The following FAM13A variants were observed in gnomAD, a reference collection of about 807,000 sequenced individuals.
The protein encoded by FAM13A is protein FAM13A.
A neutral mutation model predicts 129.6 loss-of-function variants in FAM13A; 76 were observed. The observed-to-expected ratio is 0.59, with a 90% CI of 0.49 to 0.71. FAM13A has a LOEUF of 0.71. Ranked by LOEUF, FAM13A falls within the 30% of genes least tolerant of loss-of-function variation. FAM13A has a pLI of 0.00. For synonymous variants in FAM13A, 443 were observed against 449.9 expected (o/e 0.98, Z 0.20); for missense variants, 1,108 against 1,249.3 (o/e 0.89, Z 1.70).
intron 6 of FAM13A, among the ~76,000 whole-genome samples, chr4:88,886,287 G>A (rs1358956724): frequency 6.6e-6 from 1 of 152,184 alleles, no homozygotes; most frequent in Non-Finnish European, 1.5e-5. Flanking sequence ...CAATCAACGA[G>A]TGGATAAAGA....
At chr4:88,850,877 T>TA in intron 7 of FAM13A, 143 bp downstream of exon 7, 1 of 660,456 alleles carries the variant, frequency 1.5e-6, no homozygotes. Context: ...TCTCAAAACA[T>TA]AGAGTGAATT....
At chr4:88,774,723 C>T (rs187284180) in intron 11 of FAM13A, among the ~76,000 whole-genome samples, 60 of 151,742 alleles carry the variant, frequency 4.0e-4, no homozygotes, top group Admixed American at 1.9e-3. Context: ...GTAATGGCAA[C>T]GCAAAAAGGG....
chr4:88,863,055 A>G (rs1452058012), intron 6 of FAM13A, among the ~76,000 whole-genome samples: 2 of 151,256 alleles, frequency 1.3e-5, no homozygotes, highest in Non-Finnish European at 2.9e-5. Context: ...AAGATCTTCT[A>G]AAACCCTTGG....
intron 6 of FAM13A, among the ~76,000 whole-genome samples, chr4:88,878,065 G>A (rs922717487): frequency 4.6e-5 from 7 of 151,934 alleles, no homozygotes; most frequent in Non-Finnish European, 1.0e-4. Flanking sequence ...CGAGGCGGGC[G>A]GATCACGAGG....
At position 88,728,345 on chromosome 4, in the gene FAM13A, A is replaced by G; in HGVS notation, c.*188T>C. On this transcript the variant is annotated 3_prime_UTR_variant, in exon 24 of 24. Coordinates refer to ENST00000264344, the MANE Select transcript of FAM13A (RefSeq NM_014883.4). ...AATTACAAAATGCCTAAGTCAGGTC[A>G]CATTGTCTTCTTCCAGCCAGTTTCT... The G allele has an allele frequency of 1.5e-6, 1 of 666,910 alleles. No individual in the cohort carries two copies. The highest frequency in any genetic ancestry group is 2.9e-5 in the Admixed American group (1 of 34,234). The allele number at this position is 666,910 out of a possible 1,614,324, so 41.3% of individuals were successfully genotyped here. A position where few individuals can be genotyped will look rare whatever the true frequency, so the allele number is the denominator to read the frequency against.
intron 6 of FAM13A, among the ~76,000 whole-genome samples, chr4:88,880,988 C>T (rs1743468097): frequency 6.6e-6 from 1 of 152,128 alleles, no homozygotes; most frequent in African/African-American, 2.4e-5. Flanking sequence ...AAGTCCCGCC[C>T]AAGAAGAGTC....
intron 6 of FAM13A, among the ~76,000 whole-genome samples, chr4:88,888,174 AG>A (rs1359777827): frequency 6.6e-6 from 1 of 152,124 alleles, no homozygotes; most frequent in African/African-American, 2.4e-5. Flanking sequence ...GCCAGTTTCC[AG>A]TTCTTCTTTT....
intron 5 of FAM13A, among the ~76,000 whole-genome samples, chr4:88,921,107 AC>A (rs1418382175): frequency 4.6e-5 from 7 of 152,226 alleles, no homozygotes; most frequent in Non-Finnish European, 7.3e-5. Flanking sequence ...GGAGAATGGA[AC>A]CAAGTTGGAA....
At chr4:88,814,702 T>C (rs1730352125) in intron 7 of FAM13A, among the ~76,000 whole-genome samples, 5 of 152,240 alleles carry the variant, frequency 3.3e-5, no homozygotes, top group Admixed American at 3.3e-4. Flanking sequence ...TTTTGCTGAC[T>C]GCAAAATACT....
chr4:88,972,971 A>G (rs1389820727), intron 4 of FAM13A, among the ~76,000 whole-genome samples: 1 of 152,120 alleles, frequency 6.6e-6, no homozygotes, highest in Non-Finnish European at 1.5e-5. Flanking sequence ...GTCTCTCAAC[A>G]CTTTAAATAT....
chr4:88,985,450 T>C (rs544397575), intron 4 of FAM13A, among the ~76,000 whole-genome samples: 1 of 152,312 alleles, frequency 6.6e-6, no homozygotes, highest in East Asian at 1.9e-4. Context: ...AATTGTACGG[T>C]ATATAAACGG....
chr4:88,979,885 C>T lies in FAM13A; in HGVS notation c.605+11088G>A, dbSNP rs56321632. On this transcript the variant is annotated intron_variant, in intron 4 of 23. Coordinates refer to ENST00000264344, the MANE Select transcript of FAM13A (RefSeq NM_014883.4). ...ACTTGGGAGGCTGAGGCAGAAGAATCGCTTGAACCCGGGAGGTGGAAGTTG... is the reference window on the plus strand; with the variant it reads ...ACTTGGGAGGCTGAGGCAGAAGAATTGCTTGAACCCGGGAGGTGGAAGTTG... Among the ~76,000 whole-genome samples the T allele has an allele frequency of 2.9e-3, 440 of 152,204 alleles. 1 individual carries two copies. The highest frequency in any genetic ancestry group is 9.9e-3 in the African/African-American group (413 of 41,534).
intron 7 of FAM13A, among the ~76,000 whole-genome samples, chr4:88,840,130 AATGTTAC>A (rs1420542829): frequency 6.6e-6 from 1 of 152,234 alleles, no homozygotes; most frequent in Non-Finnish European, 1.5e-5. Flanking sequence ...AGGAGACTGT[AATGTTAC>A]ATTAAGCAAA....
At chr4:88,915,105 G>A (rs1749894305) in intron 5 of FAM13A, among the ~76,000 whole-genome samples, 1 of 152,136 alleles carries the variant, frequency 6.6e-6, no homozygotes, top group Non-Finnish European at 1.5e-5. Context: ...CATGGCTGAG[G>A]CATCTTATAG....
chr4:89,006,828 T>C (rs1403193188), intron 3 of FAM13A, among the ~76,000 whole-genome samples: 1 of 152,114 alleles, frequency 6.6e-6, no homozygotes, highest in Non-Finnish European at 1.5e-5. Context: ...AGGTAATCTT[T>C]CCCTGAAGCT....
At chr4:88,773,451 G>GT (rs1280530267) in intron 11 of FAM13A, among the ~76,000 whole-genome samples, 9 of 152,144 alleles carry the variant, frequency 5.9e-5, no homozygotes, top group Non-Finnish European at 1.2e-4. Flanking sequence ...TATATGTGAA[G>GT]TTATCACTCA....
intron 7 of FAM13A, among the ~76,000 whole-genome samples, chr4:88,850,392 T>G (rs1357982884): frequency 6.6e-6 from 1 of 151,664 alleles, no homozygotes; most frequent in Non-Finnish European, 1.5e-5. Flanking sequence ...CCATCTCTAC[T>G]AAAAATACAA....
At chr4:88,981,151 G>T (rs1189433902) in intron 4 of FAM13A, among the ~76,000 whole-genome samples, 1 of 81,412 alleles carries the variant, frequency 1.2e-5, no homozygotes, top group Non-Finnish European at 2.6e-5. Context: ...ATCTATAGAC[G>T]AAAGGCACAA....
At chr4:88,942,146 A>G (rs938066810) in intron 4 of FAM13A, among the ~76,000 whole-genome samples, 1 of 152,242 alleles carries the variant, frequency 6.6e-6, no homozygotes, top group Admixed American at 6.5e-5. Flanking sequence ...AAGATAATTC[A>G]GAATTACAAT....
Sources: allele counts gnomAD v4.1 joint callset (sites outside exome capture counted in the v4.1 genomes callset), GRCh38; gene constraint gnomAD v4.1.1; transcripts MANE v1.5; gene names NCBI Gene and HGNC (gene_info 2026-07-23, HGNC 2026-07-21).